NEBL: variants seen among roughly 807,000 people sequenced by gnomAD.
NEBL encodes the protein LIM and SH3 protein 2.
A neutral mutation model predicts 140.2 loss-of-function variants in NEBL; 122 were observed. The ratio of observed to expected loss-of-function variants is 0.87; its 90% confidence interval spans 0.75 to 1.01. The LOEUF (loss-of-function observed/expected upper bound fraction) is 1.01. Among genes scored for constraint, NEBL ranks in the 50% least tolerant of loss-of-function variants. The pLI is 0.00. For synonymous variants in NEBL, 436 were observed against 398.9 expected (o/e 1.09, Z -1.11); for missense variants, 1,365 against 1,231.3 (o/e 1.11, Z -1.62).
intron 5 of NEBL, 26 bp downstream of exon 5, chr10:20,880,768 A>T (rs749784086): frequency 1.3e-6 from 2 of 1,549,200 alleles, no homozygotes; most frequent in Middle Eastern, 1.7e-4. Flanking sequence ...GTTCGCTAGA[A>T]AATCATGAGA....
intron 11 of NEBL, among the ~76,000 whole-genome samples, chr10:20,846,697 A>G (rs908334324): frequency 1.3e-5 from 2 of 152,188 alleles, no homozygotes; most frequent in Admixed American, 6.5e-5. Context: ...GACTCTTTAA[A>G]TGGTGAAATA....
intron 4 of NEBL, among the ~76,000 whole-genome samples, chr10:20,951,488 A>G (rs1438527731): frequency 6.6e-6 from 1 of 151,742 alleles, no homozygotes; most frequent in Non-Finnish European, 1.5e-5. Context: ...AAAAAAAAAG[A>G]CATTCTTGTT....
intron 2 of NEBL, among the ~76,000 whole-genome samples, chr10:21,079,724 T>C (rs185055554): frequency 3.3e-5 from 5 of 152,356 alleles, no homozygotes; most frequent in African/African-American, 2.4e-5. Flanking sequence ...TTATTTATTT[T>C]TCCTCCTTTG....
At chr10:20,923,336 G>A (rs564329725) in intron 4 of NEBL, among the ~76,000 whole-genome samples, 1 of 151,940 alleles carries the variant, frequency 6.6e-6, no homozygotes, top group African/African-American at 2.4e-5. Context: ...CCAAGTACTG[G>A]GATCATAGGC....
intron 3 of NEBL, among the ~76,000 whole-genome samples, chr10:20,987,504 A>C (rs1429029292): frequency 6.6e-6 from 1 of 150,770 alleles, no homozygotes; most frequent in Non-Finnish European, 1.5e-5. Context: ...CCACATCCTC[A>C]CTCCTCAATC....
chr10:21,126,667 A>G (rs947190027), intron 2 of NEBL, among the ~76,000 whole-genome samples: 1 of 152,136 alleles, frequency 6.6e-6, no homozygotes, highest in African/African-American at 2.4e-5. Context: ...GAGACACACA[A>G]GCCAATTAGA....
chr10:21,013,120 T>C (rs1258002353), intron 3 of NEBL, among the ~76,000 whole-genome samples: 1 of 152,200 alleles, frequency 6.6e-6, no homozygotes, highest in African/African-American at 2.4e-5. Context: ...TATGGGAAAC[T>C]GTGAGGGTGA....
intron 5 of NEBL, among the ~76,000 whole-genome samples, chr10:20,874,308 A>G (rs1845268616): frequency 6.6e-6 from 1 of 152,210 alleles, no homozygotes; most frequent in Non-Finnish European, 1.5e-5. Flanking sequence ...GCCTGCCTTC[A>G]TGTTGACTTA....
chr10:21,256,109 T>C (rs1247659935), intron 1 of NEBL, among the ~76,000 whole-genome samples: 2 of 152,128 alleles, frequency 1.3e-5, no homozygotes, highest in Non-Finnish European at 2.9e-5. Flanking sequence ...GCTCTCTCAC[T>C]CAGGCTGCAG....
Position 21,216,248 on chromosome 10 carries a change from G to T in NEBL, n.348+31673C>A, listed in dbSNP as rs576415387. Among the ~76,000 whole-genome samples the T allele has an allele frequency of 3.3e-5, 5 of 152,220 alleles. No individual in the cohort carries two copies. In the South Asian group the frequency reaches 1.0e-3, roughly 32 times the overall value. ...ACACCCCCAACCTGACTTCCCCTTA[G>T]CCACATATCCAAGTGCCTGTGGCTA... On this transcript the variant is annotated intron_variant and non_coding_transcript_variant, in intron 3 of 8. Transcript: ENST00000675702.
intron 2 of NEBL, among the ~76,000 whole-genome samples, chr10:21,061,824 A>C (rs1056340397): frequency 1.3e-5 from 2 of 152,200 alleles, no homozygotes; most frequent in African/African-American, 4.8e-5. Flanking sequence ...TCTCCCCTGC[A>C]GTGATTGTAC....
At chr10:20,848,672 T>C (rs1209250545) in intron 11 of NEBL, among the ~76,000 whole-genome samples, 1 of 152,094 alleles carries the variant, frequency 6.6e-6, no homozygotes, top group Non-Finnish European at 1.5e-5. Flanking sequence ...AGAATCTAAC[T>C]AAAGCCTGAT....
At position 21,117,852 on chromosome 10, in the gene NEBL, C is replaced by T. The variant is rs116209989; in HGVS notation, c.164+54531G>A. On this transcript the variant is annotated intron_variant, in intron 2 of 6. Transcript: ENST00000417816. ...GACAAACTGGGTTCAAGTAGCAACT[C>T]GGCCGCTATTATCTCTATGACCTTA... Among the ~76,000 whole-genome samples the T allele has an allele frequency of 4.5e-3, 681 of 152,074 alleles. 4 individuals carry two copies. The highest frequency in any genetic ancestry group is 0.015 in the African/African-American group (638 of 41,470).
chr10:20,868,353 C>A (rs1048554952), intron 7 of NEBL: 1 of 309,798 alleles, frequency 3.2e-6, no homozygotes, highest in Non-Finnish European at 6.1e-6. Flanking sequence ...GGTTAAAACA[C>A]AATTATTTAG....
chr10:21,271,776 T>C (rs890494616), intron 1 of NEBL, among the ~76,000 whole-genome samples: 1 of 152,090 alleles, frequency 6.6e-6, no homozygotes, highest in Non-Finnish European at 1.5e-5. Flanking sequence ...TCCACCCGCG[T>C]CAGCCTCCCA....
At chr10:20,841,145 T>C (rs1841380245) in intron 12 of NEBL, among the ~76,000 whole-genome samples, 1 of 152,116 alleles carries the variant, frequency 6.6e-6, no homozygotes, top group East Asian at 1.9e-4. Flanking sequence ...AGGAAGATCT[T>C]AAGAACACGT....
chr10:21,240,945 C>CAA (rs1491290136), intron 3 of NEBL, among the ~76,000 whole-genome samples: 107 of 149,060 alleles, frequency 7.2e-4, no homozygotes, highest in Middle Eastern at 3.4e-3. Flanking sequence ...CACACACACA[C>CAA]AAAACCAGTA....
At chr10:20,816,086 G>A (rs959588076) in intron 21 of NEBL, among the ~76,000 whole-genome samples, 1 of 152,140 alleles carries the variant, frequency 6.6e-6, no homozygotes, top group Admixed American at 6.5e-5. Context: ...TTATTTTAAT[G>A]AGTTAGTCAG....
At chr10:21,018,033 G>C (rs981314705) in intron 3 of NEBL, among the ~76,000 whole-genome samples, 2 of 152,016 alleles carry the variant, frequency 1.3e-5, no homozygotes, top group Admixed American at 6.5e-5. Flanking sequence ...TGTTGGCCAG[G>C]CTGGTCTCGA....
Sources: gnomAD v4.1 joint callset for allele counts (sites outside exome capture counted in the v4.1 genomes callset) on GRCh38, gnomAD v4.1.1 for gene constraint, MANE v1.5 for transcripts, NCBI Gene and HGNC (gene_info 2026-07-23, HGNC 2026-07-21) for gene names.